Variants in CNTNAP2 observed in about 807,000 individuals in gnomAD.
The protein encoded by CNTNAP2 is contactin-associated protein-like 2.
CNTNAP2 carries 98 observed loss-of-function variants against 155.2 expected under a neutral mutation model. That is an observed-to-expected ratio of 0.63 (90% CI 0.54 to 0.75). The LOEUF (loss-of-function observed/expected upper bound fraction) is 0.75, where lower values mean the gene tolerates loss of function less well. Ranked by LOEUF, CNTNAP2 falls within the 30% of genes least tolerant of loss-of-function variation. CNTNAP2 has a pLI of 0.00. For synonymous variants in CNTNAP2, 651 were observed against 631.2 expected (o/e 1.03, Z -0.47); for missense variants, 1,727 against 1,688.1 (o/e 1.02, Z -0.40).
At chr7:147,526,952 T>C (rs1206608504) in intron 11 of CNTNAP2, among the ~76,000 whole-genome samples, 1 of 151,570 alleles carries the variant, frequency 6.6e-6, no homozygotes, top group Admixed American at 6.6e-5. Context: ...TTAGAACAGG[T>C]TAACATTAAC....
chr7:146,215,871 C>T (rs1799105069), intron 1 of CNTNAP2, among the ~76,000 whole-genome samples: 1 of 152,144 alleles, frequency 6.6e-6, no homozygotes, highest in South Asian at 2.1e-4. Flanking sequence ...TAATATTTTA[C>T]CTTCCCATTT....
At chr7:148,120,275 CT>C (rs926821629) in intron 16 of CNTNAP2, among the ~76,000 whole-genome samples, 15 of 148,080 alleles carry the variant, frequency 1.0e-4, no homozygotes, top group African/African-American at 3.2e-4. Flanking sequence ...CTACTTTTTT[CT>C]TTTTTTTTGA....
intron 14 of CNTNAP2, among the ~76,000 whole-genome samples, chr7:147,930,993 C>T (rs1800491170): frequency 6.6e-6 from 1 of 151,806 alleles, no homozygotes; most frequent in African/African-American, 2.4e-5. Context: ...TGTCTCACGA[C>T]AAATAAAAAT....
intron 20 of CNTNAP2, among the ~76,000 whole-genome samples, chr7:148,250,018 CAA>C (rs926784175): frequency 3.9e-5 from 6 of 152,236 alleles, no homozygotes; most frequent in African/African-American, 1.4e-4. Flanking sequence ...GAGGACAAGC[CAA>C]AGTCTTTCCA....
At chr7:146,548,651 G>A (rs1372336428) in intron 1 of CNTNAP2, among the ~76,000 whole-genome samples, 1 of 151,796 alleles carries the variant, frequency 6.6e-6, no homozygotes, top group Non-Finnish European at 1.5e-5. Flanking sequence ...ATGAAAGTCT[G>A]GTCAAGTCCA....
intron 1 of CNTNAP2, among the ~76,000 whole-genome samples, chr7:146,144,275 T>C (rs1797924966): frequency 6.6e-6 from 1 of 151,950 alleles, no homozygotes; most frequent in African/African-American, 2.4e-5. Flanking sequence ...CCTCAGCCCC[T>C]CAAGTAGCTG....
chr7:147,716,151 T>G (rs1197985935), intron 13 of CNTNAP2, among the ~76,000 whole-genome samples: 1 of 152,160 alleles, frequency 6.6e-6, no homozygotes, highest in South Asian at 2.1e-4. Flanking sequence ...ATCCACCTAC[T>G]ACTTGGCTGT....
intron 10 of CNTNAP2, among the ~76,000 whole-genome samples, chr7:147,446,487 A>C (rs1327715395): frequency 6.9e-6 from 1 of 145,070 alleles, no homozygotes; most frequent in Non-Finnish European, 1.6e-5. Flanking sequence ...CATCATCAAT[A>C]ATGGAGTTAG....
chr7:147,893,669 C>A (rs1295309147), intron 13 of CNTNAP2, among the ~76,000 whole-genome samples: 1 of 152,140 alleles, frequency 6.6e-6, no homozygotes, highest in African/African-American at 2.4e-5. Flanking sequence ...ATTGAAAACC[C>A]TTCCCTATAC....
chr7:146,322,180 T>G (rs1300522643), intron 1 of CNTNAP2, among the ~76,000 whole-genome samples: 1 of 152,142 alleles, frequency 6.6e-6, no homozygotes, highest in East Asian at 1.9e-4. Context: ...ACTAGTGGTT[T>G]CAATCTAGTG....
intron 15 of CNTNAP2, among the ~76,000 whole-genome samples, chr7:148,026,714 T>C (rs937489348): frequency 1.3e-5 from 2 of 152,178 alleles, no homozygotes; most frequent in African/African-American, 2.4e-5. Flanking sequence ...TTGAAAACTC[T>C]ACAAGACTCA....
At chr7:147,374,765 C>T (rs1375689917) in intron 9 of CNTNAP2, among the ~76,000 whole-genome samples, 1 of 151,938 alleles carries the variant, frequency 6.6e-6, no homozygotes, top group African/African-American at 2.4e-5. Context: ...TTGAGGGGCC[C>T]TTTTCCTGGT....
At chr7:146,287,101 A>G (rs1435966250) in intron 1 of CNTNAP2, among the ~76,000 whole-genome samples, 1 of 152,222 alleles carries the variant, frequency 6.6e-6, no homozygotes, top group Non-Finnish European at 1.5e-5. Flanking sequence ...AAAAGCAAAT[A>G]AGGTAGACAG....
At chr7:146,811,331 C>A (rs1211728292) in intron 2 of CNTNAP2, among the ~76,000 whole-genome samples, 2 of 152,122 alleles carry the variant, frequency 1.3e-5, no homozygotes, top group African/African-American at 4.8e-5. Context: ...TTATTGATCT[C>A]AAATAGCCTA....
intron 12 of CNTNAP2, among the ~76,000 whole-genome samples, chr7:147,609,880 G>C (rs1187470045): frequency 1.3e-5 from 2 of 151,942 alleles, no homozygotes; most frequent in African/African-American, 4.8e-5. Context: ...CAAAATTTAG[G>C]GGAGAGTAAA....
rs573460824 is a variant in CNTNAP2 at position 147,689,699 on chromosome 7, T to C, written c.2098+50393T>C. Among the ~76,000 whole-genome samples, 4 of 152,256 alleles carry C rather than the reference T, an allele frequency of 2.6e-5. 1 individual carries two copies. In the South Asian group the frequency reaches 8.3e-4, roughly 32 times the overall value. ...AAAAACACAGCTTCAGCTCTGAAGG[T>C]ATGATACAGATAAATACCACTGTGA... is the stretch of plus-strand genomic sequence containing the variant. On this transcript the variant is annotated intron_variant, in intron 13 of 23. Transcript: ENST00000361727.
intron 9 of CNTNAP2, among the ~76,000 whole-genome samples, chr7:147,322,726 A>G (rs1584872393): frequency 4.2e-5 from 6 of 141,572 alleles, no homozygotes; most frequent in African/African-American, 1.4e-4. Flanking sequence ...TGGTTGGTAA[A>G]CTATTGATTA....
At chr7:147,019,995 A>AGTATGGTATG (rs57042757) in intron 3 of CNTNAP2, among the ~76,000 whole-genome samples, 1 of 151,244 alleles carries the variant, frequency 6.6e-6, no homozygotes, top group Non-Finnish European at 1.5e-5. Flanking sequence ...GTATAGATAT[A>AGTATGGTATG]GTATGGTATG....
At chr7:147,290,156 C>A (rs189190565) in intron 8 of CNTNAP2, among the ~76,000 whole-genome samples, 8 of 152,090 alleles carry the variant, frequency 5.3e-5, no homozygotes, top group Admixed American at 5.2e-4. Flanking sequence ...AATACATAAC[C>A]TTGTTTTGTG....
Sources: gnomAD v4.1 joint callset for allele counts (sites outside exome capture counted in the v4.1 genomes callset) on GRCh38, gnomAD v4.1.1 for gene constraint, MANE v1.5 for transcripts, NCBI Gene and HGNC (gene_info 2026-07-23, HGNC 2026-07-21) for gene names.